The following ERC1 variants were observed in gnomAD, a reference collection of about 807,000 sequenced individuals.
ERC1 encodes the protein RAB6 interacting protein 2.
A neutral mutation model predicts 132.0 loss-of-function variants in ERC1; 56 were observed. The observed-to-expected ratio is 0.42, with a 90% CI of 0.34 to 0.53. The LOEUF (loss-of-function observed/expected upper bound fraction) is 0.53. Among genes scored for constraint, ERC1 ranks in the 20% least tolerant of loss-of-function variants. The probability of loss-of-function intolerance (pLI) is 0.03; values close to 1 mark genes in which losing one functional copy is unlikely to be tolerated. For missense variants in ERC1, 1,202 were observed against 1,349.9 expected (o/e 0.89, Z 1.72); for synonymous variants, 478 against 476.1 (o/e 1.00, Z -0.05).
intron 12 of ERC1, among the ~76,000 whole-genome samples, chr12:1,199,028 G>A (rs58284716): frequency 0.015 from 1,020 of 69,866 alleles, 25 homozygotes; most frequent in Non-Finnish European, 0.016. Flanking sequence ...GGGGATCACA[G>A]TTCAACATGA....
intron 15 of ERC1, among the ~76,000 whole-genome samples, chr12:1,350,678 C>A (rs1165176481): frequency 6.6e-6 from 1 of 152,136 alleles, no homozygotes; most frequent in Non-Finnish European, 1.5e-5. Context: ...TTAAGTTCAT[C>A]CTCCTTAGAG....
At chr12:1,072,479 C>G (rs1940570971) in intron 2 of ERC1, among the ~76,000 whole-genome samples, 1 of 139,380 alleles carries the variant, frequency 7.2e-6, no homozygotes, top group Non-Finnish European at 1.6e-5. Context: ...TCTTGAGGAG[C>G]TCTTTTATCT....
At chr12:1,243,442 A>C (rs2075963290) in intron 13 of ERC1, among the ~76,000 whole-genome samples, 2 of 151,800 alleles carry the variant, frequency 1.3e-5, no homozygotes, top group South Asian at 4.2e-4. Context: ...AGAGATACTG[A>C]GGTGCTATGT....
intron 2 of ERC1, among the ~76,000 whole-genome samples, chr12:1,082,487 T>A (rs868670703): frequency 0.013 from 1,271 of 100,004 alleles, 16 homozygotes; most frequent in African/African-American, 0.045. Context: ...AAAAAAAATT[T>A]TTTTTTTTTT....
chr12:1,275,000 T>C (rs2078163331), intron 14 of ERC1, among the ~76,000 whole-genome samples: 1 of 152,134 alleles, frequency 6.6e-6, no homozygotes, highest in Non-Finnish European at 1.5e-5. Context: ...AGCCGGTAGC[T>C]CTATGGATAG....
upstream of ERC1, chr12:990,511 C>T (rs1959171093): frequency 1.3e-5 from 2 of 152,326 alleles, no homozygotes; most frequent in South Asian, 2.1e-4. Context: ...AGCGCAGGGT[C>T]GGAACGTGGA....
intron 16 of ERC1, among the ~76,000 whole-genome samples, chr12:1,383,880 T>C (rs1228746071): frequency 1.3e-5 from 2 of 152,228 alleles, no homozygotes; most frequent in South Asian, 2.1e-4. Context: ...AATTAATTCA[T>C]TTAATCATCA....
At chr12:1,418,690 CTTTCTTTCTTT>C (rs2092294411) in intron 17 of ERC1, among the ~76,000 whole-genome samples, 1 of 126,322 alleles carries the variant, frequency 7.9e-6, no homozygotes, top group African/African-American at 3.1e-5. Context: ...TTCTTTCTTT[CTTTCTTTCTTT>C]CTTTCTTTCT....
intron 4 of ERC1, among the ~76,000 whole-genome samples, chr12:1,107,673 G>C (rs1945408666): frequency 6.6e-6 from 1 of 152,160 alleles, no homozygotes; most frequent in South Asian, 2.1e-4. Context: ...TGTAAGCCAG[G>C]TGCCAAAGAC....
intron 17 of ERC1, among the ~76,000 whole-genome samples, chr12:1,439,170 C>T (rs760956740): frequency 6.6e-6 from 1 of 152,172 alleles, no homozygotes; most frequent in Admixed American, 6.5e-5. Flanking sequence ...ACGCTTCACT[C>T]TGCACATTTC....
In ERC1 at chr12:1,488,513, C is replaced by G. The variant is rs999733224; in HGVS notation, c.3214-1580C>G. On this transcript the variant is annotated intron_variant, in intron 18 of 18. Coordinates refer to ENST00000360905, the MANE Select transcript of ERC1 (RefSeq NM_178040.4). ...AAGACAAGCGTAGGCAATATAGACT[C>G]CCATCTCTCCAAAAAATTAAAATTT... 3.9e-5 allele frequency among the ~76,000 whole-genome samples: 6 copies of G among 152,146 alleles called. No homozygotes were observed. In the East Asian group the frequency reaches 9.7e-4, roughly 24 times the overall value.
At chr12:1,448,166 C>A (rs1437363951) in intron 18 of ERC1, among the ~76,000 whole-genome samples, 2 of 152,212 alleles carry the variant, frequency 1.3e-5, no homozygotes, top group African/African-American at 4.8e-5. Flanking sequence ...CTACTGCACT[C>A]ATCCAAACAA....
intron 4 of ERC1, among the ~76,000 whole-genome samples, chr12:1,105,558 C>T (rs569062800): frequency 1.1e-3 from 160 of 152,088 alleles, no homozygotes; most frequent in Non-Finnish European, 8.2e-4. Context: ...GGGGTTTCAC[C>T]GTGTTAGCCA....
chr12:1,298,047 G>A (rs962504283), intron 15 of ERC1, among the ~76,000 whole-genome samples: 9 of 152,066 alleles, frequency 5.9e-5, no homozygotes, highest in Non-Finnish European at 1.0e-4. Flanking sequence ...AGTTCTGTTT[G>A]TGCCACTGCA....
At chr12:1,346,665 G>T (rs575146309) in intron 15 of ERC1, among the ~76,000 whole-genome samples, 1 of 152,082 alleles carries the variant, frequency 6.6e-6, no homozygotes, top group African/African-American at 2.4e-5. Flanking sequence ...GTTTTCGGCC[G>T]GGCGCGGTGG....
chr12:1,444,354 A>G (rs2093243469), intron 17 of ERC1: 1 of 440,556 alleles, frequency 2.3e-6, no homozygotes, highest in Non-Finnish European at 4.0e-6. Flanking sequence ...TGTCTCCCAG[A>G]AGGGCGGCTG....
intron 14 of ERC1, among the ~76,000 whole-genome samples, chr12:1,277,428 G>A (rs1007703192): frequency 1.2e-4 from 19 of 152,232 alleles, no homozygotes; most frequent in South Asian, 8.3e-4. Flanking sequence ...ATCTTTCCCG[G>A]ACTTGGAAAT....
intron 15 of ERC1, among the ~76,000 whole-genome samples, chr12:1,324,352 A>C (rs1363235269): frequency 6.6e-6 from 1 of 152,228 alleles, no homozygotes; most frequent in Non-Finnish European, 1.5e-5. Flanking sequence ...GACAGAAGGC[A>C]TGTCTCACTT....
At chr12:1,258,055 A>AT in intron 13 of ERC1, among the ~76,000 whole-genome samples, 1 of 152,292 alleles carries the variant, frequency 6.6e-6, no homozygotes, top group East Asian at 1.9e-4. Flanking sequence ...TACAAATAGT[A>AT]TATTAGCTAA....
Sources: gnomAD v4.1 joint callset for allele counts (sites outside exome capture counted in the v4.1 genomes callset) on GRCh38, gnomAD v4.1.1 for gene constraint, MANE v1.5 for transcripts, NCBI Gene and HGNC (gene_info 2026-07-23, HGNC 2026-07-21) for gene names.